Variants in DGLUCY observed in about 807,000 individuals in gnomAD.
DGLUCY encodes D-glutamate cyclase, mitochondrial.
In DGLUCY, 58 loss-of-function variants were observed where a neutral mutation model predicts 58.5. The observed-to-expected ratio is 0.99, with a 90% CI of 0.80 to 1.23. DGLUCY has a LOEUF of 1.23. DGLUCY is among the 50% of genes most tolerant of loss of function. The probability of loss-of-function intolerance (pLI) is 0.00; values close to 1 mark genes in which losing one functional copy is unlikely to be tolerated. For missense variants in DGLUCY, 779 were observed against 784.7 expected (o/e 0.99, Z 0.09); for synonymous variants, 325 against 314.1 (o/e 1.03, Z -0.37).
At chr14:91,205,788 T>C (rs1264462175) in intron 12 of DGLUCY, among the ~76,000 whole-genome samples, 2 of 138,698 alleles carry the variant, frequency 1.4e-5, no homozygotes, top group Admixed American at 7.3e-5. Flanking sequence ...TTCTTCTTCT[T>C]CTTCTTCTCC....
chr14:91,204,557 G>T (rs999269594), intron 11 of DGLUCY, 149 bp from the exon 12 acceptor site: 8 of 1,066,448 alleles, frequency 7.5e-6, no homozygotes, highest in Non-Finnish European at 1.1e-5. Context: ...CTAAGGGGAA[G>T]TACCACAACT....
rs145401736 is a variant in DGLUCY at position 91,219,548 on chromosome 14, C to T, written c.1716+3992C>T. On this transcript the variant is annotated intron_variant, in intron 13 of 13. Transcript: ENST00000256324. ...TTGGTTGGGGCAGAGAAATGTCCCA[C>T]AGCTCTGCTCAGTGAGTTGCATCTG... 3.0e-4 allele frequency among the ~76,000 whole-genome samples: 46 copies of T among 152,366 alleles called. No individual in the cohort carries two copies. In the East Asian group the frequency reaches 8.3e-3, roughly 27 times the overall value.
chr14:91,134,590 A>G (rs554946459), intron 1 of DGLUCY, among the ~76,000 whole-genome samples: 18 of 152,144 alleles, frequency 1.2e-4, no homozygotes, highest in African/African-American at 4.3e-4. Flanking sequence ...GGCCTGTGCC[A>G]TCACGTTCGG....
At chr14:91,105,603 G>A (rs912896443), upstream of DGLUCY, among the ~76,000 whole-genome samples, 1 of 152,108 alleles carries the variant, frequency 6.6e-6, no homozygotes, top group Admixed American at 6.5e-5. Flanking sequence ...GCTATAATAG[G>A]TGCCCAATTA....
At chr14:91,135,080 T>G (rs2046250638) in intron 1 of DGLUCY, among the ~76,000 whole-genome samples, 1 of 151,902 alleles carries the variant, frequency 6.6e-6, no homozygotes, top group East Asian at 1.9e-4. Context: ...CACACCACCA[T>G]GCCCAGCTAA....
rs764201769 is a variant in DGLUCY at position 91,175,932 on chromosome 14, A to C, written c.608-2A>C. The C allele has an allele frequency of 6.2e-7, 1 of 1,613,800 alleles. No individual in the cohort carries two copies. Among genetic ancestry groups the C allele is most frequent in the South Asian group, 1.1e-5 (1 of 91,082 alleles). On this transcript the variant is annotated splice_acceptor_variant, in intron 6 of 13. Transcript: ENST00000256324. LOFTEE classifies it high-confidence loss of function. ...AATTACATTTTCCTTTTCCATCTGC[A>C]GAACTGTTGGGAATCAAAGAGCTTT...
chr14:91,090,231 A>AC (rs1290800905), intron 1 of DGLUCY, among the ~76,000 whole-genome samples: 1 of 150,932 alleles, frequency 6.6e-6, no homozygotes, highest in Non-Finnish European at 1.5e-5. Context: ...TTATGGGGGA[A>AC]CCCCCACAGA....
intron 1 of DGLUCY, among the ~76,000 whole-genome samples, chr14:91,093,462 C>T (rs532536215): frequency 6.4e-4 from 97 of 152,234 alleles, no homozygotes; most frequent in African/African-American, 2.2e-3. Flanking sequence ...GAAGACTGAT[C>T]CATGCAGCAA....
At position 91,060,464 on chromosome 14, in the gene DGLUCY, G is replaced by T. The variant is rs375495496; in HGVS notation, c.-322G>T. 2,575 of 1,399,100 alleles carry T rather than the reference G, an allele frequency of 1.8e-3. 13 individuals are homozygous for T. Among genetic ancestry groups the T allele is most frequent in the Middle Eastern group, 8.4e-3 (44 of 5,226 alleles). 86.7% of individuals were successfully genotyped at this position (1,399,100 alleles called of 1,614,324 possible). ...TCCTTTTTTTCCGATCCCGCGGGTCGCTACGAGGGGAACCCAGGAGACAGC... is the reference window on the plus strand; with the variant it reads ...TCCTTTTTTTCCGATCCCGCGGGTCTCTACGAGGGGAACCCAGGAGACAGC... On this transcript the variant is annotated 5_prime_UTR_variant, in exon 1 of 5. Transcript: ENST00000521334.
intron 1 of DGLUCY, among the ~76,000 whole-genome samples, chr14:91,138,521 C>T (rs1004424680): frequency 2.6e-5 from 4 of 152,050 alleles, no homozygotes; most frequent in Admixed American, 2.6e-4. Context: ...AAGAAATATT[C>T]GAGACTGGGT....
At chr14:91,078,612 G>A (rs1595615864) in intron 1 of DGLUCY, among the ~76,000 whole-genome samples, 2 of 152,294 alleles carry the variant, frequency 1.3e-5, no homozygotes, top group African/African-American at 4.8e-5. Flanking sequence ...GATTAAAGTA[G>A]CAGTTGTTAG....
At chr14:91,130,679 G>A (rs1000334048) in intron 1 of DGLUCY, among the ~76,000 whole-genome samples, 29 of 152,078 alleles carry the variant, frequency 1.9e-4, no homozygotes, top group African/African-American at 5.3e-4. Context: ...GAGTGCAGTC[G>A]TGCAGTCACA....
intron 6 of DGLUCY, among the ~76,000 whole-genome samples, chr14:91,174,542 G>C (rs2048754004): frequency 6.6e-6 from 1 of 152,166 alleles, no homozygotes; most frequent in Admixed American, 6.5e-5. Flanking sequence ...CTGGCCTCAA[G>C]TGGTCTGCCC....
At chr14:91,074,312 A>AAAAT (rs1555388320) in intron 1 of DGLUCY, among the ~76,000 whole-genome samples, 8 of 121,912 alleles carry the variant, frequency 6.6e-5, no homozygotes, top group African/African-American at 3.0e-4. Flanking sequence ...AAAAAAAAAA[A>AAAAT]ATATATATAT....
At chr14:91,219,701 C>T (rs1388944269) in intron 13 of DGLUCY, among the ~76,000 whole-genome samples, 1 of 152,186 alleles carries the variant, frequency 6.6e-6, no homozygotes, top group Non-Finnish European at 1.5e-5. Context: ...CCCAGGGGCA[C>T]CTTAAAGTGA....
intron 8 of DGLUCY, among the ~76,000 whole-genome samples, chr14:91,182,520 ACTC>A (rs1316698377): frequency 6.6e-6 from 1 of 150,576 alleles, no homozygotes. Flanking sequence ...TTGGTCTTGA[ACTC>A]CTGGGCTCAA....
intron 1 of DGLUCY, among the ~76,000 whole-genome samples, chr14:91,071,101 G>A (rs969723710): frequency 3.3e-5 from 5 of 152,042 alleles, no homozygotes; most frequent in African/African-American, 1.2e-4. Flanking sequence ...GGGAGGCTGA[G>A]GCTGGCAGAT....
chr14:91,118,846 G>A (rs927022001), intron 1 of DGLUCY, among the ~76,000 whole-genome samples: 3 of 152,098 alleles, frequency 2.0e-5, no homozygotes, highest in Non-Finnish European at 4.4e-5. Context: ...GGCCAGGCAC[G>A]GTGGCTCATG....
At chr14:91,112,112 G>C (rs576433336), upstream of DGLUCY, among the ~76,000 whole-genome samples, 1 of 152,042 alleles carries the variant, frequency 6.6e-6, no homozygotes, top group Non-Finnish European at 1.5e-5. Context: ...AGCTGAGTGT[G>C]GTGGCACATG....
Sources: gnomAD v4.1 joint callset for allele counts (sites outside exome capture counted in the v4.1 genomes callset) on GRCh38, gnomAD v4.1.1 for gene constraint, MANE v1.5 for transcripts, NCBI Gene and HGNC (gene_info 2026-07-23, HGNC 2026-07-21) for gene names.